Variants in DIP2B observed in about 807,000 individuals in gnomAD.
DIP2B encodes the protein DIP2 acetate--CoA ligase B (putative), also known as disco-interacting protein 2 homolog B.
Under a neutral mutation model 198.0 loss-of-function variants are expected in DIP2B, and 76 were observed. That is an observed-to-expected ratio of 0.38 (90% CI 0.32 to 0.46). The LOEUF (loss-of-function observed/expected upper bound fraction) is 0.46, where lower values mean the gene tolerates loss of function less well. Ranked by LOEUF, DIP2B falls within the 20% of genes least tolerant of loss-of-function variation. The pLI, the probability that DIP2B is intolerant of heterozygous loss-of-function variation, is 0.99. For synonymous variants in DIP2B, 701 were observed against 739.1 expected (o/e 0.95, Z 0.84); for missense variants, 1,559 against 1,978.4 (o/e 0.79, Z 4.02).
At chr12:50,580,420 AT>A (rs2139418955) in intron 1 of DIP2B, among the ~76,000 whole-genome samples, 1 of 148,456 alleles carries the variant, frequency 6.7e-6, no homozygotes, top group South Asian at 2.2e-4. Flanking sequence ...CTTTAATTTT[AT>A]TTTTTAAAAT....
intron 4 of DIP2B, among the ~76,000 whole-genome samples, chr12:50,666,064 A>G (rs1938747072): frequency 6.6e-6 from 1 of 152,226 alleles, no homozygotes; most frequent in Non-Finnish European, 1.5e-5. Context: ...TCATTTTAAT[A>G]GTGTATTTTA....
intron 23 of DIP2B, among the ~76,000 whole-genome samples, chr12:50,715,880 T>A (rs1309326707): frequency 6.6e-6 from 1 of 152,248 alleles, no homozygotes; most frequent in African/African-American, 2.4e-5. Flanking sequence ...CTAGCAGTTT[T>A]TGCCATAAGA....
chr12:50,708,607 C>A, intron 22 of DIP2B, 45 bp downstream of exon 22: 2 of 1,462,826 alleles, frequency 1.4e-6, no homozygotes, highest in Non-Finnish European at 1.9e-6. Flanking sequence ...GTGGCAGCAA[C>A]CACTGCCTAA....
rs939899477 is a variant in DIP2B, at chr12:50,695,897, A to G, written c.1863A>G (p.Ala621=). Residue 621 remains alanine, a synonymous_variant, in exon 16 of 38, where the codon GCA becomes GCG. Transcript: ENST00000301180. ...KCRDLHWAMM[A]HRDQRDVSLS... is the part of the protein sequence containing the mutation. ...GGGACTTGCACTGGGCTATGATGGC[A>G]CATCGGGACCAAAGAGACGTGAGCT... The G allele has an allele frequency of 7.4e-6, 12 of 1,614,168 alleles. No individual in the cohort carries two copies. The highest frequency in any genetic ancestry group is 1.0e-5 in the Non-Finnish European group (12 of 1,179,978).
At chr12:50,675,517 G>A (rs964146376) in intron 7 of DIP2B, 69 bp downstream of exon 7, 357 of 1,431,360 alleles carry the variant, frequency 2.5e-4, no homozygotes, top group Admixed American at 4.5e-4. Flanking sequence ...CTATGTGTTA[G>A]GTACTGTAGG....
chr12:50,691,218 T>TCA, intron 13 of DIP2B, 67 bp downstream of exon 13: 1 of 1,380,514 alleles, frequency 7.2e-7, no homozygotes, highest in Non-Finnish European at 1.0e-6. Context: ...AGCACAATGC[T>TCA]CAGTGATTGG....
At chr12:50,675,804 C>T (rs1473465023) in intron 7 of DIP2B, among the ~76,000 whole-genome samples, 3 of 152,160 alleles carry the variant, frequency 2.0e-5, no homozygotes, top group African/African-American at 7.2e-5. Context: ...AAAAGTTTGC[C>T]TACTCTGTTT....
chr12:50,654,991 G>A (rs778945549), intron 3 of DIP2B: 21 of 449,414 alleles, frequency 4.7e-5, no homozygotes, highest in South Asian at 1.4e-4. Context: ...AATTTAACAC[G>A]TATTTGCTTT....
chr12:50,723,328 G>A lies in DIP2B; in HGVS notation c.3288+5G>A, dbSNP rs1336768346. The A allele has an allele frequency of 6.2e-7, 1 of 1,614,090 alleles. No homozygotes were observed. The highest frequency in any genetic ancestry group is 1.1e-5 in the South Asian group (1 of 91,064). ...ACTGTCCGAATGATTGTTGATGTAAGTACCAGCTGTATCTTGCCTTGTCCT... is the reference window on the plus strand; with the variant it reads ...ACTGTCCGAATGATTGTTGATGTAAATACCAGCTGTATCTTGCCTTGTCCT... On this transcript the variant is annotated splice_donor_5th_base_variant and intron_variant, in intron 27 of 37. Transcript: ENST00000301180.
intron 1 of DIP2B, among the ~76,000 whole-genome samples, chr12:50,596,925 T>G (rs1958883493): frequency 6.6e-6 from 1 of 152,238 alleles, no homozygotes; most frequent in Non-Finnish European, 1.5e-5. Context: ...TCATTAGTAT[T>G]TACTTTAAAT....
At chr12:50,560,377 C>T (rs1176794507) in intron 1 of DIP2B, among the ~76,000 whole-genome samples, 2 of 149,346 alleles carry the variant, frequency 1.3e-5, no homozygotes, top group East Asian at 3.9e-4. Context: ...GCTTGGGCAA[C>T]GGAGCAAGAC....
chr12:50,667,334 G>C (rs2139519845), intron 4 of DIP2B, among the ~76,000 whole-genome samples: 1 of 152,248 alleles, frequency 6.6e-6, no homozygotes, highest in African/African-American at 2.4e-5. Context: ...ATATATAAGA[G>C]CTTAGGGAAG....
intron 3 of DIP2B, among the ~76,000 whole-genome samples, chr12:50,658,191 C>T (rs1313011666): frequency 2.0e-5 from 3 of 151,874 alleles, no homozygotes; most frequent in Admixed American, 2.0e-4. Context: ...GGCTGGAGTA[C>T]AATGGTGTGA....
intron 1 of DIP2B, among the ~76,000 whole-genome samples, chr12:50,622,930 C>T (rs1375556519): frequency 2.0e-5 from 3 of 150,964 alleles, no homozygotes; most frequent in East Asian, 3.9e-4. Context: ...TTTTTTTTAC[C>T]CCATCTAATG....
chr12:50,626,096 A>G (rs772084170), intron 2 of DIP2B, 49 bp downstream of exon 2: 2 of 1,574,142 alleles, frequency 1.3e-6, no homozygotes, highest in East Asian at 4.5e-5. Flanking sequence ...TTACACCAAA[A>G]GATGCTGTCT....
At chr12:50,568,778 C>G (rs546382278) in intron 1 of DIP2B, among the ~76,000 whole-genome samples, 1 of 152,186 alleles carries the variant, frequency 6.6e-6, no homozygotes, top group East Asian at 1.9e-4. Context: ...TTGGCTGACA[C>G]CAGAAGTCTT....
chr12:50,653,429 T>A (rs921784731), intron 3 of DIP2B, among the ~76,000 whole-genome samples: 1 of 149,234 alleles, frequency 6.7e-6, no homozygotes, highest in African/African-American at 2.5e-5. Context: ...CAGCCTCAGT[T>A]CTCCCACCTC....
intron 30 of DIP2B, among the ~76,000 whole-genome samples, chr12:50,729,914 C>T (rs1035761800): frequency 6.6e-5 from 10 of 151,576 alleles, no homozygotes; most frequent in South Asian, 4.2e-4. Flanking sequence ...GTAGAGACAG[C>T]GTTTCGTCAT....
At chr12:50,573,289 T>C (rs1016490854) in intron 1 of DIP2B, among the ~76,000 whole-genome samples, 1 of 152,264 alleles carries the variant, frequency 6.6e-6, no homozygotes, top group African/African-American at 2.4e-5. Flanking sequence ...TAAAGCTCTG[T>C]GCTGGTGCTT....
Sources: gnomAD v4.1 joint callset for allele counts (sites outside exome capture counted in the v4.1 genomes callset) on GRCh38, gnomAD v4.1.1 for gene constraint, MANE v1.5 for transcripts, NCBI Gene and HGNC (gene_info 2026-07-23, HGNC 2026-07-21) for gene names.